NFAM1: variants seen among roughly 807,000 people sequenced by gnomAD.
NFAM1 encodes NFAT activating protein with ITAM motif 1.
A neutral mutation model predicts 29.0 loss-of-function variants in NFAM1; 17 were observed. The ratio of observed to expected loss-of-function variants is 0.59; its 90% CI spans 0.40 to 0.88. The LOEUF is 0.88. NFAM1 is among the 40% of genes least tolerant of loss of function. NFAM1 has a pLI of 0.00. For synonymous variants in NFAM1, 175 were observed against 147.2 expected, an observed-to-expected ratio of 1.19 and a Z score of -1.36; for missense variants, 324 against 344.6, an observed-to-expected ratio of 0.94 and a Z score of 0.47.
intron 4 of NFAM1, among the ~76,000 whole-genome samples, chr22:42,387,676 C>T (rs1929198039): frequency 6.6e-6 from 1 of 152,050 alleles, no homozygotes; most frequent in Non-Finnish European, 1.5e-5. Flanking sequence ...AGAGTCCAAT[C>T]CTGGTTCTCA....
At chr22:42,402,967 T>G (rs754820957) in intron 3 of NFAM1, among the ~76,000 whole-genome samples, 1 of 150,686 alleles carries the variant, frequency 6.6e-6, no homozygotes, top group Non-Finnish European at 1.5e-5. Flanking sequence ...CCCGAGTAAC[T>G]GGGATTACAG....
rs397937097 is a variant in NFAM1, at chr22:42,404,852, CA to C, written c.564+4582del. Among the ~76,000 whole-genome samples the C allele has an allele frequency of 7.2e-3, 635 of 88,716 alleles. 2 individuals are homozygous for C. The highest frequency in any genetic ancestry group is 0.019 in the Middle Eastern group (3 of 158). The allele number at this position is 88,716 out of a possible 152,430, so 58.2% of individuals were successfully genotyped here. ...CTAGGCAAAGAGTAAAACTCCATCT[CA>C]AAAAAAAAAAAAAAAAAAAGTGCTC... On this transcript the variant is annotated intron_variant, in intron 3 of 5. Coordinates refer to ENST00000329021, the MANE Select transcript of NFAM1 (RefSeq NM_145912.8).
chr22:42,424,394 G>A (rs1169476538), intron 1 of NFAM1, among the ~76,000 whole-genome samples: 1 of 151,086 alleles, frequency 6.6e-6, no homozygotes, highest in Non-Finnish European at 1.5e-5. Flanking sequence ...CAGCCTAGGG[G>A]ATAGAGCGAG....
intron 1 of NFAM1, among the ~76,000 whole-genome samples, chr22:42,429,011 A>C (rs1262467370): frequency 6.6e-6 from 1 of 152,186 alleles, no homozygotes; most frequent in Non-Finnish European, 1.5e-5. Context: ...CAGGCTTTGC[A>C]GAGGGGTCAA....
In NFAM1 at chr22:42,432,240, C is replaced by T; in HGVS notation, c.118G>A (p.Ala40Thr). ...VLLLPGTLRLAGGQSVTHTGL... is the reference protein window; with the variant it reads ...VLLLPGTLRLTGGQSVTHTGL... ...GAAGGAGGAAGACAGACACTACCTG[C>T]CAGTCGCAGGGTCCCGGGCAGCAGC... Residue 40 changes from alanine (A) to threonine (T), a missense_variant, in exon 1 of 6, where the codon GCA (alanine) becomes ACA (threonine). Transcript: ENST00000329021. 1 of 1,572,020 alleles carries T rather than the reference C, an allele frequency of 6.4e-7. No individual in the cohort carries two copies. Among genetic ancestry groups the T allele is most frequent in the East Asian group, 2.3e-5 (1 of 42,842 alleles).
At chr22:42,400,756 C>T (rs1371432404) in intron 3 of NFAM1, among the ~76,000 whole-genome samples, 2 of 152,212 alleles carry the variant, frequency 1.3e-5, no homozygotes, top group Non-Finnish European at 2.9e-5. Context: ...TTGAGGGCAC[C>T]GTCACAGTCA....
At chr22:42,416,619 G>A (rs1158062566) in intron 1 of NFAM1, among the ~76,000 whole-genome samples, 1 of 152,162 alleles carries the variant, frequency 6.6e-6, no homozygotes, top group East Asian at 1.9e-4. Context: ...GGGTGTAGAG[G>A]GGGCTGGGGA....
chr22:42,394,167 C>A (rs937676371), intron 4 of NFAM1, among the ~76,000 whole-genome samples: 4 of 152,152 alleles, frequency 2.6e-5, no homozygotes, highest in Admixed American at 2.6e-4. Flanking sequence ...TCCCGAGTAG[C>A]TGGGATTACA....
chr22:42,398,231 G>A (rs35282507), intron 3 of NFAM1, among the ~76,000 whole-genome samples: 24,356 of 152,132 alleles, frequency 0.16, 2,070 homozygotes, highest in African/African-American at 0.19. Context: ...AAGCTACTGG[G>A]ACCAGTGCCA....
At chr22:42,395,228 C>T (rs1929480035) in intron 4 of NFAM1, among the ~76,000 whole-genome samples, 1 of 151,638 alleles carries the variant, frequency 6.6e-6, no homozygotes, top group African/African-American at 2.4e-5. Flanking sequence ...AATCCCAGCA[C>T]TTTAGGAGGC....
intron 3 of NFAM1, among the ~76,000 whole-genome samples, chr22:42,399,996 C>T (rs1173459264): frequency 6.6e-6 from 1 of 152,198 alleles, no homozygotes; most frequent in Non-Finnish European, 1.5e-5. Flanking sequence ...ACGCGCCCTC[C>T]ACAAACCGCA....
At position 42,411,668 on chromosome 22, in the gene NFAM1, T is replaced by C. The variant is rs749837728; in HGVS notation, c.190A>G (p.Ser64Gly). 1.2e-6 allele frequency: 2 copies of C among 1,614,086 alleles called. No individual in the cohort carries two copies. The highest frequency in any genetic ancestry group is 2.2e-5 in the South Asian group (2 of 91,082). ...ASLANTAISFSCRITYPYTPQ... is the reference protein window; with the variant it reads ...ASLANTAISFGCRITYPYTPQ... ...GTGTATGGATAGGTGATCCTGCAGCTGAAGGAGATAGCTGTGTTGGCCAGG... is the reference window on the plus strand; with the variant it reads ...GTGTATGGATAGGTGATCCTGCAGCCGAAGGAGATAGCTGTGTTGGCCAGG... Residue 64 changes from serine (S) to glycine (G), a missense_variant, in exon 2 of 6, where the codon AGC (serine) becomes GGC (glycine). Transcript: ENST00000329021.
intron 4 of NFAM1, among the ~76,000 whole-genome samples, chr22:42,396,247 T>C (rs1054021698): frequency 6.6e-6 from 1 of 152,152 alleles, no homozygotes; most frequent in Non-Finnish European, 1.5e-5. Flanking sequence ...AAAAAGAAGC[T>C]CTGCTCAAAA....
chr22:42,400,979 C>T (rs537638511), intron 3 of NFAM1, among the ~76,000 whole-genome samples: 95 of 152,330 alleles, frequency 6.2e-4, no homozygotes, highest in Admixed American at 3.4e-3. Flanking sequence ...GCTCAGTTAG[C>T]TCTTGGTGTC....
intron 3 of NFAM1, among the ~76,000 whole-genome samples, chr22:42,400,623 CA>C (rs1356947772): frequency 6.6e-6 from 1 of 152,068 alleles, no homozygotes; most frequent in Non-Finnish European, 1.5e-5. Flanking sequence ...ATCTCAAAAA[CA>C]AAACAAAACA....
At chr22:42,432,662 G>GTAAC (rs1930849862), upstream of NFAM1, among the ~76,000 whole-genome samples, 1 of 152,158 alleles carries the variant, frequency 6.6e-6, no homozygotes, top group Admixed American at 6.6e-5. Context: ...GGAGACACTG[G>GTAAC]TAACTGTGCA....
intron 3 of NFAM1, among the ~76,000 whole-genome samples, chr22:42,400,724 C>A (rs113767636): frequency 4.0e-4 from 61 of 152,344 alleles, no homozygotes; most frequent in African/African-American, 1.4e-3. Flanking sequence ...TCCAGGGCTG[C>A]CTCCCCTGCA....
chr22:42,386,643 C>T lies in NFAM1; in HGVS notation c.753+346G>A, dbSNP rs117121858. ...CTGTGCCCAGTGATAGTTACAGTGGCTCATAGTGCATGGGCACAGCTGGGT... is the reference window on the plus strand; with the variant it reads ...CTGTGCCCAGTGATAGTTACAGTGGTTCATAGTGCATGGGCACAGCTGGGT... On this transcript the variant is annotated intron_variant, in intron 5 of 5. Transcript: ENST00000329021. Among the ~76,000 whole-genome samples the T allele has an allele frequency of 5.7e-3, 863 of 152,288 alleles. 17 individuals carry two copies. In the East Asian group the frequency reaches 0.071, roughly 13 times the overall value.
chr22:42,384,971 A>G lies in NFAM1; in HGVS notation c.*190T>C. 1 of 667,090 alleles carries G rather than the reference A, an allele frequency of 1.5e-6. No individual in the cohort carries two copies. Among genetic ancestry groups the G allele is most frequent in the East Asian group, 2.5e-5 (1 of 40,002 alleles). The allele number at this position is 667,090 out of a possible 1,614,324, so 41.3% of individuals were successfully genotyped here. On this transcript the variant is annotated 3_prime_UTR_variant, in exon 6 of 6. Transcript: ENST00000329021. The stretch of plus-strand genomic sequence containing the variant: ...CTGGGCAAAGGCCCCAAGATGGGAA[A>G]GCCTTGGTGGTTGGGGCATAGAATG...
Sources: allele counts gnomAD v4.1 joint callset (sites outside exome capture counted in the v4.1 genomes callset), GRCh38; gene constraint gnomAD v4.1.1; transcripts MANE v1.5; gene names NCBI Gene and HGNC (gene_info 2026-07-23, HGNC 2026-07-21).